KCNG3: variants seen among roughly 807,000 people sequenced by gnomAD.
The protein encoded by KCNG3 is voltage-gated potassium channel regulatory subunit KCNG3.
Under a neutral mutation model 29.0 loss-of-function variants are expected in KCNG3, and 15 were observed. That is an observed-to-expected ratio of 0.52 (90% CI 0.35 to 0.80). The LOEUF is 0.80. Among genes scored for constraint, KCNG3 ranks in the 30% least tolerant of loss-of-function variants. KCNG3 has a pLI of 0.01. For synonymous variants in KCNG3, 322 were observed against 248.9 expected (o/e 1.29, Z -2.76); for missense variants, 512 against 605.7 (o/e 0.85, Z 1.62).
At chr2:42,491,458 C>A (rs762183786) in intron 1 of KCNG3, among the ~76,000 whole-genome samples, 3 of 151,974 alleles carry the variant, frequency 2.0e-5, no homozygotes, top group Admixed American at 2.0e-4. Flanking sequence ...TCTACAGTTA[C>A]TGGAGAATCA....
intron 1 of KCNG3, among the ~76,000 whole-genome samples, chr2:42,457,197 A>T (rs942814091): frequency 1.3e-5 from 2 of 152,094 alleles, no homozygotes; most frequent in African/African-American, 4.8e-5. Flanking sequence ...AAGAGAATTG[A>T]CTAGTGGCCA....
At chr2:42,419,856 T>C in the KCNG3 span, among the ~76,000 whole-genome samples, 1 of 152,214 alleles carries the variant, frequency 6.6e-6, no homozygotes, top group Non-Finnish European at 1.5e-5. Flanking sequence ...CCAGCACTAC[T>C]AGCAAGAGAG....
At chr2:42,424,401 C>T in the KCNG3 span, among the ~76,000 whole-genome samples, 1 of 148,370 alleles carries the variant, frequency 6.7e-6, no homozygotes, top group Admixed American at 6.7e-5. Flanking sequence ...GATGGGGGTT[C>T]GGGATAGACT....
chr2:42,419,217 C>CTTTTTTT, the KCNG3 span, among the ~76,000 whole-genome samples: 1 of 47,572 alleles, frequency 2.1e-5, no homozygotes, highest in African/African-American at 7.1e-5. Context: ...CAGATGGTAT[C>CTTTTTTT]TCTTTTTTTT....
chr2:42,459,833 G>A (rs1217334143), intron 1 of KCNG3, among the ~76,000 whole-genome samples: 1 of 152,034 alleles, frequency 6.6e-6, no homozygotes, highest in Non-Finnish European at 1.5e-5. Flanking sequence ...AAAATTAGCT[G>A]GGCATGGTGG....
At chr2:42,392,018 C>T in the KCNG3 span, among the ~76,000 whole-genome samples, 4 of 152,136 alleles carry the variant, frequency 2.6e-5, no homozygotes, top group African/African-American at 9.7e-5. Context: ...ACCAAAGATA[C>T]AGCAAAATCT....
At chr2:42,432,275 G>A in the KCNG3 span, among the ~76,000 whole-genome samples, 1 of 152,108 alleles carries the variant, frequency 6.6e-6, no homozygotes, top group African/African-American at 2.4e-5. Flanking sequence ...ACTTTTCCTA[G>A]GGCAATGCTG....
At chr2:42,475,360 C>G (rs1673397823) in intron 1 of KCNG3, among the ~76,000 whole-genome samples, 2 of 139,728 alleles carry the variant, frequency 1.4e-5, no homozygotes, top group Admixed American at 1.5e-4. Flanking sequence ...GAGTCTCGCT[C>G]TGTCGCCCAG....
At chr2:42,405,995 AGCCTCCCAAAGT>A in the KCNG3 span, among the ~76,000 whole-genome samples, 13 of 151,462 alleles carry the variant, frequency 8.6e-5, no homozygotes, top group African/African-American at 3.1e-4. Flanking sequence ...CACCTGCCTC[AGCCTCCCAAAGT>A]GCTGGGATTA....
chr2:42,440,463 CTTT>C (rs1672448800), downstream of KCNG3: 1 of 133,492 alleles, frequency 7.5e-6, no homozygotes, highest in Non-Finnish European at 1.6e-5. Flanking sequence ...TGTTTTGCAT[CTTT>C]TTGTCTGTTT....
intron 1 of KCNG3, among the ~76,000 whole-genome samples, chr2:42,484,870 C>T (rs1673682316): frequency 6.6e-6 from 1 of 152,170 alleles, no homozygotes. Flanking sequence ...TGTGAAAGAA[C>T]AGAATTTAAC....
At chr2:42,403,485 T>G in the KCNG3 span, among the ~76,000 whole-genome samples, 4 of 141,166 alleles carry the variant, frequency 2.8e-5, no homozygotes, top group African/African-American at 1.1e-4. Context: ...CTGTTTTTTT[T>G]TTTTTTTTTT....
chr2:42,480,739 G>A (rs1258083770), intron 1 of KCNG3, among the ~76,000 whole-genome samples: 1 of 139,696 alleles, frequency 7.2e-6, no homozygotes, highest in African/African-American at 2.7e-5. Flanking sequence ...AGCCTAGGCA[G>A]CATATTGAAA....
At chr2:42,488,462 A>C (rs919973105) in intron 1 of KCNG3, among the ~76,000 whole-genome samples, 3 of 151,412 alleles carry the variant, frequency 2.0e-5, no homozygotes, top group Non-Finnish European at 2.9e-5. Context: ...GCAGCCTTCA[A>C]CTCCTGGGCT....
chr2:42,454,588 T>C (rs1382660453), intron 1 of KCNG3, among the ~76,000 whole-genome samples: 1 of 151,956 alleles, frequency 6.6e-6, no homozygotes, highest in East Asian at 1.9e-4. Context: ...AGTGGGTGCC[T>C]GTAATCCCAG....
At chr2:42,469,933 G>A (rs1572855280) in intron 1 of KCNG3, 1 of 329,754 alleles carries the variant, frequency 3.0e-6, no homozygotes, top group East Asian at 5.5e-5. Context: ...TTTACAAACT[G>A]GCCAACAAGG....
chr2:42,446,269 T>G (rs1240785734), intron 1 of KCNG3, among the ~76,000 whole-genome samples: 4 of 151,950 alleles, frequency 2.6e-5, no homozygotes, highest in Admixed American at 2.6e-4. Flanking sequence ...CTCTGCCGCC[T>G]GGGTTCAAGC....
chr2:42,405,343 C>T, the KCNG3 span, among the ~76,000 whole-genome samples: 2 of 151,916 alleles, frequency 1.3e-5, no homozygotes, highest in Non-Finnish European at 2.9e-5. Flanking sequence ...GTTGATTTCT[C>T]CTTTGTGTTT....
chr2:42,477,042 A>G (rs1673443946), intron 1 of KCNG3, among the ~76,000 whole-genome samples: 1 of 148,516 alleles, frequency 6.7e-6, no homozygotes, highest in African/African-American at 2.5e-5. Context: ...AAAAAAAAAA[A>G]TTAGCCGGGC....
Sources: gnomAD v4.1 joint callset for allele counts (sites outside exome capture counted in the v4.1 genomes callset) on GRCh38, gnomAD v4.1.1 for gene constraint, MANE v1.5 for transcripts, NCBI Gene and HGNC (gene_info 2026-07-23, HGNC 2026-07-21) for gene names.